Variants in NDUFB1 observed in about 807,000 individuals in gnomAD.
The protein encoded by NDUFB1 is NADH dehydrogenase [ubiquinone] 1 beta subcomplex subunit 1.
A neutral mutation model predicts 6.7 loss-of-function variants in NDUFB1; 6 were observed. The ratio of observed to expected loss-of-function variants is 0.89; its 90% CI spans 0.49 to 1.76. The LOEUF is 1.76. Among genes scored for constraint, NDUFB1 ranks in the 40% most tolerant of loss-of-function variants. NDUFB1 has a pLI of 0.01. For synonymous variants in NDUFB1, 17 were observed against 22.9 expected, an observed-to-expected ratio of 0.74 and a Z score of 0.74; for missense variants, 56 against 71.0, an observed-to-expected ratio of 0.79 and a Z score of 0.76.
At chr14:92,119,634 T>C (rs2068739158) in intron 1 of NDUFB1, among the ~76,000 whole-genome samples, 1 of 152,214 alleles carries the variant, frequency 6.6e-6, no homozygotes, top group Non-Finnish European at 1.5e-5. Context: ...CGAAGTGTTT[T>C]CGATTTTTTG....
chr14:92,116,267 G>C lies in NDUFB1; in HGVS notation c.141-38C>G, dbSNP rs775590566. ...CAAAAAAGGAAGAAATGGAAAAACT[G>C]TAAATAAAACTGTGATACGAGATAA... On this transcript the variant is annotated intron_variant, in intron 2 of 2. Coordinates refer to ENST00000605997, the MANE Select transcript of NDUFB1 (RefSeq NM_004545.4). 5.1e-6 allele frequency: 8 copies of C among 1,565,854 alleles called. No homozygotes were observed. In the South Asian group the frequency reaches 7.8e-5, roughly 15 times the overall value.
Position 92,121,315 on chromosome 14 carries a change from G to A in NDUFB1, c.-6+327C>T, listed in dbSNP as rs2068760796. The A allele has an allele frequency of 6.6e-6, 3 of 458,014 alleles. No homozygotes were observed. The South Asian group carries it at 7.7e-5, about 12-fold the overall frequency. The allele number at this position is 458,014 out of a possible 1,614,324, so 28.4% of individuals were successfully genotyped here. A position where few individuals can be genotyped will look rare whatever the true frequency, so the allele number is the denominator to read the frequency against. ...GTAAGCTGCTCGCGGAGGGGAGGCA[G>A]CGTCTTCCCTGCTTCAGGCCAGGCG... On this transcript the variant is annotated intron_variant, in intron 1 of 2. Coordinates refer to ENST00000605997, the MANE Select transcript of NDUFB1 (RefSeq NM_004545.4).
intron 1 of NDUFB1, chr14:92,120,319 A>G (rs2141439786): frequency 6.6e-6 from 1 of 151,262 alleles, no homozygotes; most frequent in African/African-American, 2.4e-5. Context: ...TTACACTGGC[A>G]TGCTTATACA....
chr14:92,117,736 G>T, intron 1 of NDUFB1, 94 bp from the exon 2 acceptor site: 4 of 1,257,622 alleles, frequency 3.2e-6, no homozygotes, highest in Non-Finnish European at 4.5e-6. Flanking sequence ...GGTGGTTCAT[G>T]CCTGTAATCC....
At chr14:92,118,248 T>C (rs1381309023) in intron 1 of NDUFB1, 1 of 152,462 alleles carries the variant, frequency 6.6e-6, no homozygotes, top group African/African-American at 2.4e-5. Flanking sequence ...ACAGAGATGG[T>C]ATGTAAAAAA....
intron 1 of NDUFB1, chr14:92,121,343 G>C (rs1390579815): frequency 1.0e-5 from 5 of 497,978 alleles, no homozygotes; most frequent in Non-Finnish European, 1.8e-5. Context: ...GCCAGGCGTG[G>C]GATCCGGGCC....
At chr14:92,117,724 G>A (rs1289172038) in intron 1 of NDUFB1, 82 bp from the exon 2 acceptor site, 6 of 1,385,008 alleles carry the variant, frequency 4.3e-6, no homozygotes, top group African/African-American at 2.9e-5. Context: ...TGGGCCAGGT[G>A]CGGTGGTTCA....
chr14:92,119,498 T>C (rs752970607), intron 1 of NDUFB1, among the ~76,000 whole-genome samples: 3 of 152,216 alleles, frequency 2.0e-5, no homozygotes, highest in African/African-American at 4.8e-5. Flanking sequence ...TTATAGCCCA[T>C]GCCTAAGAAA....
Position 92,121,700 on chromosome 14 carries a change from C to A in NDUFB1, c.-64G>T, listed in dbSNP as rs145881375. ...CAAGGGCAACAGGGAACTCAACCCG[C>A]GCCAGTGGAAGCTGCGACCTCGGGA... On this transcript the variant is annotated 5_prime_UTR_variant, in exon 1 of 3. Coordinates refer to ENST00000605997, the MANE Select transcript of NDUFB1 (RefSeq NM_004545.4). The A allele has an allele frequency of 3.3e-5, 54 of 1,613,796 alleles. No homozygotes were observed. The highest frequency in any genetic ancestry group is 4.3e-5 in the Non-Finnish European group (51 of 1,180,000).
chr14:92,121,697 C>T lies in NDUFB1; in HGVS notation c.-61G>A, dbSNP rs1013194582. The T allele has an allele frequency of 1.2e-6, 2 of 1,613,944 alleles. No individual in the cohort carries two copies. Among genetic ancestry groups the T allele is most frequent in the East Asian group, 4.5e-5 (2 of 44,856 alleles). Reference sequence around the variant, plus strand: ...GACCAAGGGCAACAGGGAACTCAACCCGCGCCAGTGGAAGCTGCGACCTCG... The same window carrying T: ...GACCAAGGGCAACAGGGAACTCAACTCGCGCCAGTGGAAGCTGCGACCTCG... On this transcript the variant is annotated 5_prime_UTR_variant, in exon 1 of 3. Transcript: ENST00000605997.
chr14:92,116,372 A>G, intron 2 of NDUFB1, 143 bp from the exon 3 acceptor site: 1 of 711,514 alleles, frequency 1.4e-6, no homozygotes, highest in Non-Finnish European at 2.2e-6. Flanking sequence ...CTGGCTTTGT[A>G]GCCCAGGCTG....
intron 1 of NDUFB1, chr14:92,121,169 A>G (rs771954748): frequency 5.9e-6 from 1 of 169,242 alleles, no homozygotes; most frequent in Non-Finnish European, 1.3e-5. Flanking sequence ...TCTCAAAAAT[A>G]AAAAAGCAAA....
rs201547910 is a variant in NDUFB1 at position 92,117,630 on chromosome 14, T to C, written c.8A>G (p.Asn3Ser). The C allele has an allele frequency of 1.2e-5, 19 of 1,613,636 alleles. No individual in the cohort carries two copies. The highest frequency in any genetic ancestry group is 1.7e-5 in the Admixed American group (1 of 59,980). Residue 3 changes from asparagine (N) to serine (S), a missense_variant, in exon 2 of 3, where the codon AAC (asparagine) becomes AGC (serine). Coordinates refer to ENST00000605997, the MANE Select transcript of NDUFB1 (RefSeq NM_004545.4). MV[N>S]LLQIVRDHWV... is the part of the protein sequence containing the mutation. ...GTGGTCCCGCACAATCTGAAGTAAG[T>C]TCACCATGATAGCTAAAAGAAAAAA...
intron 1 of NDUFB1, among the ~76,000 whole-genome samples, chr14:92,120,711 C>G (rs575992732): frequency 5.9e-4 from 87 of 148,156 alleles, no homozygotes; most frequent in African/African-American, 2.1e-3. Flanking sequence ...GGTGCCACCA[C>G]GCCCGGCTAA....
At chr14:92,117,814 A>G in intron 1 of NDUFB1, 172 bp from the exon 2 acceptor site, 1 of 631,294 alleles carries the variant, frequency 1.6e-6, no homozygotes. Context: ...CCTGGCCAAC[A>G]TGGCAAAACC....
chr14:92,119,141 GTC>G (rs1339035969), intron 1 of NDUFB1, among the ~76,000 whole-genome samples: 1 of 151,730 alleles, frequency 6.6e-6, no homozygotes, highest in African/African-American at 2.4e-5. Context: ...GCAAAACCCT[GTC>G]TCTACAAAAA....
rs778046474 is a variant in NDUFB1, at chr14:92,121,625, G to A, written c.-6+17C>T. ...GTGATCCTCGTCGCGGCGGCCCCCC[G>A]GGCTCCCCAAACCCACCTGCAGCCT... On this transcript the variant is annotated intron_variant, in intron 1 of 2. Coordinates refer to ENST00000605997, the MANE Select transcript of NDUFB1 (RefSeq NM_004545.4). 1.9e-6 allele frequency: 3 copies of A among 1,611,648 alleles called. No individual in the cohort carries two copies. Among genetic ancestry groups the A allele is most frequent in the Non-Finnish European group, 2.5e-6 (3 of 1,179,598 alleles).
chr14:92,121,308 G>C (rs1201748376), intron 1 of NDUFB1: 5 of 443,102 alleles, frequency 1.1e-5, no homozygotes, highest in African/African-American at 9.9e-5. Context: ...CTCGCGGAGG[G>C]GAGGCAGCGT....
chr14:92,119,431 C>A (rs1211739211), intron 1 of NDUFB1, among the ~76,000 whole-genome samples: 1 of 152,104 alleles, frequency 6.6e-6, no homozygotes, highest in Non-Finnish European at 1.5e-5. Flanking sequence ...ATCCAAATAG[C>A]TATTAAGTAC....
Sources: allele counts gnomAD v4.1 joint callset (sites outside exome capture counted in the v4.1 genomes callset), GRCh38; gene constraint gnomAD v4.1.1; transcripts MANE v1.5; gene names NCBI Gene and HGNC (gene_info 2026-07-23, HGNC 2026-07-21).